MRPS27: variants seen among roughly 807,000 people sequenced by gnomAD.
MRPS27 encodes the protein small ribosomal subunit protein mS27.
A neutral mutation model predicts 48.9 loss-of-function variants in MRPS27; 43 were observed. That is an observed-to-expected ratio of 0.88 (90% CI 0.69 to 1.13). The LOEUF is 1.13. Ranked by LOEUF, MRPS27 falls within the 50% of genes most tolerant of loss-of-function variation. The pLI is 0.00. For missense variants in MRPS27, 467 were observed against 476.3 expected (o/e 0.98, Z 0.18); for synonymous variants, 188 against 171.9 (o/e 1.09, Z -0.73).
At chr5:72,238,160 G>T in intron 4 of MRPS27, 32 bp from the exon 5 acceptor site, 1 of 1,441,030 alleles carries the variant, frequency 6.9e-7, no homozygotes, top group Non-Finnish European at 9.8e-7. Flanking sequence ...GAAAACTGGT[G>T]TTAACTCTTA....
intron 2 of MRPS27, among the ~76,000 whole-genome samples, chr5:72,300,926 C>T (rs1438026941): frequency 6.6e-6 from 1 of 152,180 alleles, no homozygotes; most frequent in Non-Finnish European, 1.5e-5. Flanking sequence ...AATATACACA[C>T]TCTCAGTCCC....
At chr5:72,257,859 C>A (rs1021335358) in intron 4 of MRPS27, among the ~76,000 whole-genome samples, 1 of 151,932 alleles carries the variant, frequency 6.6e-6, no homozygotes, top group Non-Finnish European at 1.5e-5. Context: ...CTGAGGTGGG[C>A]AGATCATGAG....
intron 5 of MRPS27, among the ~76,000 whole-genome samples, chr5:72,234,531 C>T (rs1291882679): frequency 6.6e-6 from 1 of 152,046 alleles, no homozygotes; most frequent in African/African-American, 2.4e-5. Context: ...CTAACTGGTT[C>T]AGTGACTCTT....
At chr5:72,223,940 G>A in intron 9 of MRPS27, 90 bp from the exon 10 acceptor site, 5 of 1,279,386 alleles carry the variant, frequency 3.9e-6, no homozygotes, top group Non-Finnish European at 5.4e-6. Flanking sequence ...AAGAAAGGAA[G>A]AATGAGCTCT....
chr5:72,320,196 C>A lies in MRPS27; in HGVS notation c.26G>T (p.Gly9Val), dbSNP rs769700586. 1 of 1,613,974 alleles carries A rather than the reference C, an allele frequency of 6.2e-7. No homozygotes were observed. The highest frequency in any genetic ancestry group is 8.5e-7 in the Non-Finnish European group (1 of 1,179,912). The change falls in exon 1 of 11, where the codon GGG becomes GTG. Residue 9 changes from glycine to valine, a missense_variant. Transcript: ENST00000261413. ...AACCACTTGCCGCGCCAGGAGCATCCCGCGCCGCACTATGGAGGCAGCCAT... is the reference window on the plus strand; with the variant it reads ...AACCACTTGCCGCGCCAGGAGCATCACGCGCCGCACTATGGAGGCAGCCAT... MAASIVRR[G>V]MLLARQVVLP... is the part of the protein sequence containing the mutation.
chr5:72,248,614 C>A (rs1199120061), intron 4 of MRPS27, among the ~76,000 whole-genome samples: 1 of 147,530 alleles, frequency 6.8e-6, no homozygotes, highest in Non-Finnish European at 1.5e-5. Flanking sequence ...GGAGAGAGGG[C>A]TCCTTGGCAA....
rs550455428 is a variant in MRPS27 at position 72,256,520 on chromosome 5, C to A, written c.282-18392G>T. Among the ~76,000 whole-genome samples the A allele has an allele frequency of 1.1e-3, 171 of 152,288 alleles. 1 individual carries two copies. Among genetic ancestry groups the A allele is most frequent in the African/African-American group, 4.1e-3 (171 of 41,558 alleles). ...ATAAACAAGTTTTTTGGGCCAAGAA[C>A]ACTTTGACAATTTCATTATGCAAAT... On this transcript the variant is annotated intron_variant, in intron 4 of 10. Coordinates refer to ENST00000261413, the MANE Select transcript of MRPS27 (RefSeq NM_015084.3).
At chr5:72,296,262 A>T (rs1437771084) in intron 3 of MRPS27, among the ~76,000 whole-genome samples, 1 of 152,224 alleles carries the variant, frequency 6.6e-6, no homozygotes, top group African/African-American at 2.4e-5. Flanking sequence ...AAGACAATGC[A>T]TGTTGTGAAT....
intron 5 of MRPS27, among the ~76,000 whole-genome samples, chr5:72,235,035 G>A (rs1401691159): frequency 6.6e-6 from 1 of 152,066 alleles, no homozygotes; most frequent in Non-Finnish European, 1.5e-5. Context: ...ATATCCCCTT[G>A]AGAGATTTTG....
chr5:72,272,480 G>A (rs1749273874), intron 4 of MRPS27, among the ~76,000 whole-genome samples: 1 of 152,180 alleles, frequency 6.6e-6, no homozygotes, highest in African/African-American at 2.4e-5. Context: ...TAAAAACCTT[G>A]GACACTGAGT....
intron 4 of MRPS27, among the ~76,000 whole-genome samples, chr5:72,286,093 T>C (rs1749664172): frequency 6.6e-6 from 1 of 152,268 alleles, no homozygotes; most frequent in African/African-American, 2.4e-5. Flanking sequence ...TAATCTTCTT[T>C]GTTAGTTCCT....
intron 2 of MRPS27, among the ~76,000 whole-genome samples, chr5:72,301,483 T>G (rs1393850939): frequency 6.6e-6 from 1 of 152,208 alleles, no homozygotes; most frequent in Non-Finnish European, 1.5e-5. Flanking sequence ...ATTTACAATT[T>G]AACTTAAAAT....
chr5:72,273,798 C>T (rs1749306603), intron 4 of MRPS27, among the ~76,000 whole-genome samples: 1 of 152,108 alleles, frequency 6.6e-6, no homozygotes, highest in Non-Finnish European at 1.5e-5. Flanking sequence ...CTACTGTAGA[C>T]TTTATAAACA....
chr5:72,246,061 A>G (rs1056623046), intron 4 of MRPS27, among the ~76,000 whole-genome samples: 9 of 152,202 alleles, frequency 5.9e-5, no homozygotes, highest in African/African-American at 2.2e-4. Flanking sequence ...AGCTCTTAAA[A>G]GGCAGGGGAC....
chr5:72,312,900 G>A (rs1222822201), intron 2 of MRPS27, among the ~76,000 whole-genome samples: 1 of 152,156 alleles, frequency 6.6e-6, no homozygotes, highest in Non-Finnish European at 1.5e-5. Context: ...TTACAGGTGT[G>A]AGCCACCACA....
Position 72,239,544 on chromosome 5 carries a change from G to C in MRPS27, c.282-1416C>G, listed in dbSNP as rs563164477. Among the ~76,000 whole-genome samples the C allele has an allele frequency of 2.4e-3, 365 of 152,274 alleles. 1 individual carries two copies. Among genetic ancestry groups the C allele is most frequent in the African/African-American group, 8.5e-3 (352 of 41,554 alleles). On this transcript the variant is annotated intron_variant, in intron 4 of 10. Transcript: ENST00000261413. Reference sequence around the variant, plus strand: ...AGAGAAATATGTCAAATTAGGTTTAGAATAAGAGTGACGTGGCCAGAGAAA... The same window carrying C: ...AGAGAAATATGTCAAATTAGGTTTACAATAAGAGTGACGTGGCCAGAGAAA...
chr5:72,239,070 A>G (rs966737381), intron 4 of MRPS27, among the ~76,000 whole-genome samples: 1 of 152,130 alleles, frequency 6.6e-6, no homozygotes, highest in African/African-American at 2.4e-5. Context: ...GTTTTCCTGA[A>G]TCATTCAGGA....
intron 4 of MRPS27, among the ~76,000 whole-genome samples, chr5:72,278,029 C>T (rs7707518): frequency 0.68 from 103,220 of 152,060 alleles, 36,342 homozygotes; most frequent in African/African-American, 0.87. Context: ...CAGCAAACCA[C>T]TGGGCACATG....
chr5:72,289,241 C>T (rs142278454), intron 4 of MRPS27, among the ~76,000 whole-genome samples: 7 of 152,154 alleles, frequency 4.6e-5, no homozygotes, highest in South Asian at 2.1e-4. Context: ...CAGCTTGCCA[C>T]GCAATCTGAA....
Sources: allele counts gnomAD v4.1 joint callset (sites outside exome capture counted in the v4.1 genomes callset), GRCh38; gene constraint gnomAD v4.1.1; transcripts MANE v1.5; gene names NCBI Gene and HGNC (gene_info 2026-07-23, HGNC 2026-07-21).